The following PFKFB3 variants were observed in gnomAD, a reference collection of about 807,000 sequenced individuals.
PFKFB3 encodes 6-phosphofructo-2-kinase/fructose-2,6-biphosphatase 3.
In PFKFB3, 33 loss-of-function variants were observed where a neutral mutation model predicts 68.0. The observed-to-expected ratio is 0.49, with a 90% confidence interval of 0.37 to 0.65. The LOEUF (loss-of-function observed/expected upper bound fraction) is 0.65, where lower values mean the gene tolerates loss of function less well. Among genes scored for constraint, PFKFB3 ranks in the 30% least tolerant of loss-of-function variants. PFKFB3 has a pLI of 0.00. For missense variants in PFKFB3, 586 were observed against 712.2 expected, an observed-to-expected ratio of 0.82 and a Z score of 2.02; for synonymous variants, 315 against 288.2, an observed-to-expected ratio of 1.09 and a Z score of -0.94.
exon 15 of PFKFB3, chr10:6,254,413 AC>A (rs1467843448): frequency 2.5e-6 from 1 of 398,342 alleles, no homozygotes; most frequent in African/African-American, 2.1e-5. Context: ...GCTGCTGAGG[AC>A]TCTGAGAAGC....
the PFKFB3 span, among the ~76,000 whole-genome samples, chr10:6,274,197 C>T: frequency 4.6e-5 from 7 of 150,594 alleles, no homozygotes; most frequent in Non-Finnish European, 8.8e-5. Flanking sequence ...GAGATCCTAT[C>T]TCTAAAAAAA....
At chr10:6,268,213 C>T in the PFKFB3 span, among the ~76,000 whole-genome samples, 69,464 of 151,928 alleles carry the variant, frequency 0.46, 17,706 homozygotes, top group Non-Finnish European at 0.6. Flanking sequence ...CTCTGTATCC[C>T]AGTAATGCTG....
At chr10:6,249,702 A>G (rs569026327) in intron 14 of PFKFB3, among the ~76,000 whole-genome samples, 3 of 152,302 alleles carry the variant, frequency 2.0e-5, no homozygotes, top group Admixed American at 1.3e-4. Context: ...AGAAATGGGT[A>G]GCTGATGGTC....
At chr10:6,211,707 A>G (rs1219956691) in intron 1 of PFKFB3, among the ~76,000 whole-genome samples, 1 of 152,192 alleles carries the variant, frequency 6.6e-6, no homozygotes, top group Non-Finnish European at 1.5e-5. Context: ...AGTGAAAAGC[A>G]TCTGTTTTCG....
At position 6,226,269 on chromosome 10, in the gene PFKFB3, G is replaced by A; in HGVS notation, c.1419G>A (p.Lys473=). The A allele has an allele frequency of 6.2e-7, 1 of 1,614,200 alleles. No homozygotes were observed. Among genetic ancestry groups the A allele is most frequent in the Non-Finnish European group, 8.5e-7 (1 of 1,180,022 alleles). Residue 473 remains lysine, a synonymous_variant, in exon 14 of 15, where the codon AAG becomes AAA. Transcript: ENST00000379775. ...TPLASPEPTK[K]PRINSFEEHV... ...TAGCCAGCCCCGAACCCACCAAAAA[G>A]CCTCGCATCAACAGCTTTGAGGAGC...
chr10:6,299,968 CTTTTTTTTTT>C, the PFKFB3 span, among the ~76,000 whole-genome samples: 3 of 48,586 alleles, frequency 6.2e-5, no homozygotes, highest in African/African-American at 1.8e-4. Context: ...GTTCAGAAGA[CTTTTTTTTTT>C]TTTTTTTTTT....
At chr10:6,273,903 G>A in the PFKFB3 span, among the ~76,000 whole-genome samples, 5 of 152,166 alleles carry the variant, frequency 3.3e-5, no homozygotes, top group African/African-American at 4.8e-5. Flanking sequence ...CCAGAATCAG[G>A]AGAAAATAAA....
downstream of PFKFB3, among the ~76,000 whole-genome samples, chr10:6,256,387 GA>G (rs1236041319): frequency 6.6e-6 from 1 of 152,104 alleles, no homozygotes; most frequent in Non-Finnish European, 1.5e-5. Context: ...CATGGAAAAA[GA>G]AAAAAGGATG....
At chr10:6,319,819 A>G in the PFKFB3 span, among the ~76,000 whole-genome samples, 1 of 152,168 alleles carries the variant, frequency 6.6e-6, no homozygotes, top group South Asian at 2.1e-4. Context: ...CTGTATTTCT[A>G]CCAATTAATT....
chr10:6,239,224 G>A (rs1846088909), downstream of PFKFB3, among the ~76,000 whole-genome samples: 1 of 152,186 alleles, frequency 6.6e-6, no homozygotes, highest in African/African-American at 2.4e-5. Context: ...TTATTCATCT[G>A]AGCATGCATG....
At chr10:6,189,360 G>T (rs1345884783) in intron 1 of PFKFB3, among the ~76,000 whole-genome samples, 2 of 152,006 alleles carry the variant, frequency 1.3e-5, no homozygotes, top group African/African-American at 4.8e-5. Context: ...AGAAAATAAG[G>T]TCACTTATTT....
chr10:6,187,842 G>T (rs571662916), intron 1 of PFKFB3, among the ~76,000 whole-genome samples: 1 of 152,210 alleles, frequency 6.6e-6, no homozygotes, highest in South Asian at 2.1e-4. Flanking sequence ...AATAATTCCA[G>T]ACTTAATAGA....
At chr10:6,165,340 C>T (rs975641669) in intron 1 of PFKFB3, among the ~76,000 whole-genome samples, 22 of 152,334 alleles carry the variant, frequency 1.4e-4, no homozygotes, top group African/African-American at 4.8e-4. Flanking sequence ...GCTACAGTTA[C>T]AGGTTAACAG....
chr10:6,281,389 G>A, the PFKFB3 span, among the ~76,000 whole-genome samples: 5 of 151,780 alleles, frequency 3.3e-5, no homozygotes, highest in South Asian at 4.2e-4. Flanking sequence ...ATACAGAAAC[G>A]GCTCCATCTA....
In PFKFB3 at chr10:6,177,438, C is replaced by CTTTCTTTCTTTCTT. The variant is rs1554842946; in HGVS notation, c.16+32426_16+32427insTTCTTTCTTTCTTT. Among the ~76,000 whole-genome samples, 8 of 86,718 alleles carry CTTTCTTTCTTTCTT rather than the reference C, an allele frequency of 9.2e-5. No homozygotes were observed. The East Asian group carries it at 1.2e-3, about 13-fold the overall frequency. The allele number at this position is 86,718 out of a possible 152,430, so 56.9% of individuals were successfully genotyped here. On this transcript the variant is annotated intron_variant, in intron 1 of 14. Coordinates refer to the PFKFB3 transcript ENST00000379789. Reference sequence around the variant, plus strand: ...TTCTCTTTCTTCCTTTCTTTTCTTTCTCTTTCTTTCTTTCTTTCTTTCTTT... The same window carrying CTTTCTTTCTTTCTT: ...TTCTCTTTCTTCCTTTCTTTTCTTTCTTTCTTTCTTTCTTTCTTTCTTTCTTTCTTTCTTTCTTT...
chr10:6,293,955 C>A, the PFKFB3 span: 1 of 502,712 alleles, frequency 2.0e-6, no homozygotes, highest in African/African-American at 2.0e-5. Context: ...TATGGCTTCA[C>A]GAATTTTCCA....
intron 1 of PFKFB3, among the ~76,000 whole-genome samples, chr10:6,146,877 T>G (rs1295125142): frequency 6.6e-6 from 1 of 152,244 alleles, no homozygotes; most frequent in Non-Finnish European, 1.5e-5. Flanking sequence ...GAGACCTTGC[T>G]GCATGAAGAG....
At chr10:6,166,523 CTTTGGACTGGAGGG>C (rs1010010097) in intron 1 of PFKFB3, among the ~76,000 whole-genome samples, 2 of 151,930 alleles carry the variant, frequency 1.3e-5, no homozygotes, top group Non-Finnish European at 2.9e-5. Flanking sequence ...TGATTGATTT[CTTTGGACTGGAGGG>C]TTTGCCCAGC....
intron 8 of PFKFB3, 52 bp from the exon 9 acceptor site, chr10:6,221,329 T>C: frequency 6.2e-7 from 1 of 1,605,398 alleles, no homozygotes; most frequent in Non-Finnish European, 8.5e-7. Flanking sequence ...CCCTGGCTCT[T>C]GGAGGAGCTG....
Sources: allele counts gnomAD v4.1 joint callset (sites outside exome capture counted in the v4.1 genomes callset), GRCh38; gene constraint gnomAD v4.1.1; transcripts MANE v1.5; gene names NCBI Gene and HGNC (gene_info 2026-07-23, HGNC 2026-07-21).